The following WWOX variants were observed in gnomAD, a reference collection of about 807,000 sequenced individuals.
WWOX encodes the protein WW domain containing oxidoreductase.
WWOX carries 69 observed loss-of-function variants against 46.2 expected under a neutral mutation model. The observed-to-expected ratio is 1.49, with a 90% CI of 1.23 to 1.82. WWOX has a LOEUF of 1.82. Ranked by LOEUF, WWOX falls within the 40% of genes most tolerant of loss-of-function variation. The pLI is 0.00. For missense variants in WWOX, 919 were observed against 542.6 expected, an observed-to-expected ratio of 1.69 and a Z score of -6.89; for synonymous variants, 359 against 202.6, an observed-to-expected ratio of 1.77 and a Z score of -6.56.
intron 5 of WWOX, among the ~76,000 whole-genome samples, chr16:78,221,767 C>T (rs994175131): frequency 6.6e-6 from 1 of 152,052 alleles, no homozygotes; most frequent in Non-Finnish European, 1.5e-5. Flanking sequence ...ATGTGTAATC[C>T]CGTATTTGGA....
chr16:78,520,502 T>C (rs867994945), intron 8 of WWOX, among the ~76,000 whole-genome samples: 4 of 152,148 alleles, frequency 2.6e-5, no homozygotes, highest in African/African-American at 4.8e-5. Context: ...CTTTTACTAA[T>C]GGTTCTGTGG....
rs890212192 is a variant in WWOX, at chr16:78,386,939, C to G, written c.596C>G (p.Ala199Gly). The change falls in exon 6 of 9, where the codon GCC becomes GGC. Residue 199 changes from alanine (A) to glycine (G), a missense_variant. Ala to Gly is a moderately conservative substitution (Grantham distance 60, BLOSUM62 0). Coordinates refer to ENST00000566780, the MANE Select transcript of WWOX (RefSeq NM_016373.4). ...CAGCATTTTGCTGAAGCATTCAAGG[C>G]CAAGAATGTGTGAGTGTTCCAGTGG... ...SVQHFAEAFK[A>G]KNVPLHVLVC... is the part of the protein sequence containing the mutation. 1.2e-6 allele frequency: 2 copies of G among 1,613,994 alleles called. No individual in the cohort carries two copies. The highest frequency in any genetic ancestry group is 1.7e-6 in the Non-Finnish European group (2 of 1,179,916).
At chr16:78,625,341 G>A (rs945484975) in intron 8 of WWOX, among the ~76,000 whole-genome samples, 5 of 152,104 alleles carry the variant, frequency 3.3e-5, no homozygotes, top group African/African-American at 7.2e-5. Context: ...CAAGGCCAGC[G>A]TGTTCCATTT....
intron 8 of WWOX, among the ~76,000 whole-genome samples, chr16:78,494,546 A>G (rs2084863610): frequency 6.6e-6 from 1 of 152,176 alleles, no homozygotes; most frequent in South Asian, 2.1e-4. Flanking sequence ...GCTTTTTGAA[A>G]TTCTGTTTTT....
intron 8 of WWOX, among the ~76,000 whole-genome samples, chr16:78,979,830 A>G (rs1429395851): frequency 6.6e-6 from 1 of 152,178 alleles, no homozygotes; most frequent in Non-Finnish European, 1.5e-5. Flanking sequence ...GGGTAGTGAT[A>G]TAGAATAAAT....
At chr16:79,029,606 A>C (rs1048301792) in intron 8 of WWOX, among the ~76,000 whole-genome samples, 46 of 152,184 alleles carry the variant, frequency 3.0e-4, no homozygotes, top group African/African-American at 1.1e-3. Context: ...CCCACAAAGA[A>C]AGTTAGGGTA....
intron 8 of WWOX, among the ~76,000 whole-genome samples, chr16:79,157,611 A>G (rs562694488): frequency 1.3e-5 from 2 of 152,292 alleles, no homozygotes; most frequent in Non-Finnish European, 2.9e-5. Context: ...ATGTTTTAAA[A>G]TACAGGTTTT....
intron 5 of WWOX, among the ~76,000 whole-genome samples, chr16:78,227,128 A>G (rs1176508524): frequency 6.6e-6 from 1 of 152,092 alleles, no homozygotes; most frequent in Non-Finnish European, 1.5e-5. Flanking sequence ...GGCTCGCAAT[A>G]TTACCACGAA....
chr16:78,561,117 A>G (rs999185390), intron 8 of WWOX, among the ~76,000 whole-genome samples: 7 of 152,144 alleles, frequency 4.6e-5, no homozygotes, highest in Admixed American at 2.6e-4. Flanking sequence ...TTGTAAGACT[A>G]GGGCCCCTGT....
intron 8 of WWOX, among the ~76,000 whole-genome samples, chr16:79,132,620 C>T (rs780478155): frequency 1.3e-4 from 20 of 151,962 alleles, no homozygotes; most frequent in Non-Finnish European, 1.5e-4. Flanking sequence ...CCTCAAACAT[C>T]GCTTTTCTTT....
At chr16:78,136,783 C>G (rs557201396) in intron 4 of WWOX, among the ~76,000 whole-genome samples, 2 of 152,306 alleles carry the variant, frequency 1.3e-5, no homozygotes, top group East Asian at 1.9e-4. Context: ...ACCAAAACAT[C>G]ACCTGAGTCA....
chr16:78,370,491 C>A (rs372497190), intron 5 of WWOX, among the ~76,000 whole-genome samples: 2 of 30,694 alleles, frequency 6.5e-5, no homozygotes, highest in Admixed American at 2.6e-4. Flanking sequence ...GGGGTATCTA[C>A]GATGTTTTTT....
intron 8 of WWOX, among the ~76,000 whole-genome samples, chr16:78,862,059 GAGAT>G (rs2043896597): frequency 7.2e-6 from 1 of 139,504 alleles, no homozygotes; most frequent in Middle Eastern, 3.9e-3. Flanking sequence ...TATATAGAGA[GAGAT>G]ATATGCATAT....
rs2081011080 is a variant in WWOX, at chr16:78,341,377, T to C, written c.517-45483T>C. Among the ~76,000 whole-genome samples the C allele has an allele frequency of 1.7e-5, 2 of 121,118 alleles. 1 individual carries two copies. The highest frequency in any genetic ancestry group is 4.9e-4 in the South Asian group (2 of 4,044). The allele number at this position is 121,118 out of a possible 152,430, so 79.5% of individuals were successfully genotyped here. ...GTTGTTTTATAGCAGTTACTGCTGT[T>C]TTAGTGTGATTTGGGATGAAAATTT... On this transcript the variant is annotated intron_variant, in intron 5 of 8. Transcript: ENST00000566780.
chr16:78,325,555 C>T (rs1168928848), intron 5 of WWOX, among the ~76,000 whole-genome samples: 2 of 152,114 alleles, frequency 1.3e-5, no homozygotes, highest in Non-Finnish European at 2.9e-5. Context: ...TCCACATAAT[C>T]TTCAGTTAGT....
chr16:78,406,828 G>A (rs1042463204), intron 6 of WWOX, among the ~76,000 whole-genome samples: 3 of 151,988 alleles, frequency 2.0e-5, no homozygotes, highest in African/African-American at 4.8e-5. Context: ...GTTTCACTGT[G>A]TTGGCTAAGG....
intron 8 of WWOX, among the ~76,000 whole-genome samples, chr16:78,545,839 G>A (rs925945938): frequency 2.6e-5 from 4 of 152,056 alleles, no homozygotes; most frequent in East Asian, 1.9e-4. Flanking sequence ...GTGGCCTTCC[G>A]TCTGTTTCTT....
chr16:78,955,497 G>A (rs1054568917), intron 8 of WWOX, among the ~76,000 whole-genome samples: 29 of 152,212 alleles, frequency 1.9e-4, no homozygotes, highest in African/African-American at 6.7e-4. Context: ...AGGATGGCGC[G>A]AAGTTCACCT....
intron 8 of WWOX, among the ~76,000 whole-genome samples, chr16:78,598,962 A>G (rs940168926): frequency 2.6e-5 from 4 of 152,198 alleles, no homozygotes; most frequent in African/African-American, 9.7e-5. Flanking sequence ...AGTTTCAGTG[A>G]TGCACTTAGG....
Sources: gnomAD v4.1 joint callset for allele counts (sites outside exome capture counted in the v4.1 genomes callset) on GRCh38, gnomAD v4.1.1 for gene constraint, MANE v1.5 for transcripts, NCBI Gene and HGNC (gene_info 2026-07-23, HGNC 2026-07-21) for gene names.